TCP1: variants seen among roughly 807,000 people sequenced by gnomAD.
The protein encoded by TCP1 is t-complex 1, also known as T-complex protein 1 subunit alpha.
In TCP1, 6 loss-of-function variants were observed where a neutral mutation model predicts 54.7. That is an observed-to-expected ratio of 0.11 (90% CI 0.06 to 0.22). The LOEUF (loss-of-function observed/expected upper bound fraction) is 0.22, where lower values mean the gene tolerates loss of function less well. Ranked by LOEUF, TCP1 falls within the 10% of genes least tolerant of loss-of-function variation. The probability of loss-of-function intolerance (pLI) is 1.00; values close to 1 mark genes in which losing one functional copy is unlikely to be tolerated. For missense variants in TCP1, 511 were observed against 678.2 expected (o/e 0.75, Z 2.74); for synonymous variants, 225 against 229.7 (o/e 0.98, Z 0.19).
Position 159,779,765 on chromosome 6 carries a change from G to T in TCP1, c.1316C>A (p.Ala439Glu). 1 of 1,604,922 alleles carries T rather than the reference G, an allele frequency of 6.2e-7. No homozygotes were observed. The highest frequency in any genetic ancestry group is 8.5e-7 in the Non-Finnish European group (1 of 1,177,672). Residue 439 changes from alanine (A) to glutamate (E), a missense_variant, in exon 11 of 12, where the codon GCA becomes GAA. Ala to Glu is a moderately radical substitution (Grantham distance 107). Coordinates refer to ENST00000321394, the MANE Select transcript of TCP1 (RefSeq NM_030752.3). ...AACAAGAAGTGATCTTGCAAACTCT[G>T]CAATCGCAAGCTGTTCCCGAGACCC... is the stretch of plus-strand genomic sequence containing the variant. ...SMGSREQLAI[A>E]EFARSLLVIP...
At position 159,788,443 on chromosome 6, in the gene TCP1, G is replaced by A. The variant is rs142545951; in HGVS notation, c.65-300C>T. On this transcript the variant is annotated intron_variant, in intron 1 of 11. Coordinates refer to ENST00000321394, the MANE Select transcript of TCP1 (RefSeq NM_030752.3). Reference sequence around the variant, plus strand: ...TTCTACAAAAAATAAAAACAAAGCCGGATGCGGCGGCGCGGACCTGTGCTT... The same window carrying A: ...TTCTACAAAAAATAAAAACAAAGCCAGATGCGGCGGCGCGGACCTGTGCTT... 1.0e-4 allele frequency: 33 copies of A among 315,708 alleles called. No individual in the cohort carries two copies. The East Asian group carries it at 2.4e-3, about 23-fold the overall frequency. 19.6% of individuals were successfully genotyped at this position (315,708 alleles called of 1,614,324 possible).
chr6:159,783,913 A>T, intron 7 of TCP1, 28 bp downstream of exon 7: 1 of 1,562,018 alleles, frequency 6.4e-7, no homozygotes, highest in Non-Finnish European at 8.6e-7. Context: ...CTCACACTTA[A>T]AAGGCCAAAA....
At chr6:159,783,684 TCAATA>T (rs1414633268) in intron 7 of TCP1, among the ~76,000 whole-genome samples, 6 of 152,190 alleles carry the variant, frequency 3.9e-5, no homozygotes, top group African/African-American at 1.4e-4. Flanking sequence ...TAGGTTACAG[TCAATA>T]CTATACTGCT....
chr6:159,782,252 T>C (rs1780594439), intron 7 of TCP1, among the ~76,000 whole-genome samples: 2 of 152,168 alleles, frequency 1.3e-5, no homozygotes. Context: ...AATAGATCAT[T>C]CGAAGAATTT....
intron 8 of TCP1, 105 bp downstream of exon 8, chr6:159,780,830 T>C: frequency 1.5e-6 from 2 of 1,373,044 alleles, no homozygotes; most frequent in Non-Finnish European, 2.0e-6. Flanking sequence ...TAAGAGAATA[T>C]AAATGTTTTT....
chr6:159,785,682 C>G, intron 4 of TCP1, 186 bp from the exon 5 acceptor site: 1 of 791,952 alleles, frequency 1.3e-6, no homozygotes, highest in Middle Eastern at 2.2e-4. Flanking sequence ...ATCCCATAAG[C>G]ATAGCCACTA....
Position 159,785,515 on chromosome 6 carries a change from G to A in TCP1, c.378-19C>T. ...TGCTTCCCTGTTTAAAAGTGTGGGG[G>A]AGAAAAACGCTTATAAAGTCACTAC... On this transcript the variant is annotated intron_variant, in intron 4 of 11. Transcript: ENST00000321394. 6.4e-7 allele frequency: 1 copy of A among 1,574,082 alleles called. No individual in the cohort carries two copies. Among genetic ancestry groups the A allele is most frequent in the Non-Finnish European group, 8.7e-7 (1 of 1,144,948 alleles).
chr6:159,784,798 T>C lies in TCP1; in HGVS notation c.538A>G (p.Lys180Glu). ...GGCTGGCCTCTTATGTCTGTGTATT[T>C]AATAGCAAGTACAGCATCTACTACC... ...NMVVDAVLAI[K>E]YTDIRGQPRY... The change falls in exon 6 of 12, where the codon AAA (lysine) becomes GAA (glutamate). Residue 180 changes from lysine to glutamate, a missense_variant. By Grantham distance (56) the Lys-to-Glu change is moderately conservative. Around this residue, in one of 5 missense-constraint regions of TCP1, gnomAD observed 305 missense variants for 352.8 expected, o/e 0.86. Transcript: ENST00000321394. The C allele has an allele frequency of 6.2e-7, 1 of 1,614,178 alleles. No individual in the cohort carries two copies.
At chr6:159,781,872 C>G (rs1198369946) in intron 7 of TCP1, among the ~76,000 whole-genome samples, 1 of 152,164 alleles carries the variant, frequency 6.6e-6, no homozygotes, top group Non-Finnish European at 1.5e-5. Context: ...ACCAAACAAT[C>G]TAGATACTAA....
At chr6:159,786,190 A>C (rs1780693313) in intron 3 of TCP1, among the ~76,000 whole-genome samples, 193 bp from the exon 4 acceptor site, 1 of 152,242 alleles carries the variant, frequency 6.6e-6, no homozygotes, top group Non-Finnish European at 1.5e-5. Flanking sequence ...CGTTACTCAT[A>C]AATTCTTGGA....
chr6:159,785,768 T>A (rs749427143), intron 4 of TCP1, 132 bp downstream of exon 4: 44 of 843,994 alleles, frequency 5.2e-5, no homozygotes, highest in Non-Finnish European at 8.1e-5. Flanking sequence ...CTTCAAATAT[T>A]ACTACTTAAA....
chr6:159,781,190 G>T, intron 7 of TCP1, 80 bp from the exon 8 acceptor site: 1 of 1,165,672 alleles, frequency 8.6e-7, no homozygotes, highest in Admixed American at 2.6e-5. Context: ...TTTATCACAA[G>T]ATAATCATAG....
At position 159,778,792 on chromosome 6, in the gene TCP1, G is replaced by C; in HGVS notation, c.*253C>G. 1.2e-6 allele frequency: 2 copies of C among 1,614,230 alleles called. No homozygotes were observed. Among genetic ancestry groups the C allele is most frequent in the Non-Finnish European group, 1.7e-6 (2 of 1,180,036 alleles). Reference sequence around the variant, plus strand: ...GGTGTTGCAGCCCTGTGCATTGGGGGTGGGATGGGAATAGCAATGTGTGTT... The same window carrying C: ...GGTGTTGCAGCCCTGTGCATTGGGGCTGGGATGGGAATAGCAATGTGTGTT... On this transcript the variant is annotated 3_prime_UTR_variant, in exon 12 of 12. Coordinates refer to ENST00000321394, the MANE Select transcript of TCP1 (RefSeq NM_030752.3).
rs200792657 is a variant in TCP1, at chr6:159,780,072, C to T, written c.1113G>A (p.Thr371=). 111 of 1,614,048 alleles carry T rather than the reference C, an allele frequency of 6.9e-5. No homozygotes were observed. The highest frequency in any genetic ancestry group is 6.8e-4 in the South Asian group (62 of 91,082). ...LILIKNTKAR[T]SASIILRGAN... ...CCCCACGTAAGATAATCGATGCAGA[C>T]GTACGAGCCTTAGTACTGTTCAAAA... Residue 371 remains threonine, a synonymous_variant, in exon 10 of 12, where the codon ACG becomes ACA. Transcript: ENST00000321394.
rs767416258 is a variant in TCP1, at chr6:159,778,716, C to T, written c.*329G>A. On this transcript the variant is annotated 3_prime_UTR_variant, in exon 12 of 12. Coordinates refer to ENST00000321394, the MANE Select transcript of TCP1 (RefSeq NM_030752.3). Reference sequence around the variant, plus strand: ...CCACCCTCTTGGAGCATCTGGCTGTCGAATTCTTGTGACCCTGTTACACAC... The same window carrying T: ...CCACCCTCTTGGAGCATCTGGCTGTTGAATTCTTGTGACCCTGTTACACAC... 6.2e-6 allele frequency: 10 copies of T among 1,614,050 alleles called. No individual in the cohort carries two copies. The highest frequency in any genetic ancestry group is 4.5e-5 in the East Asian group (2 of 44,890).
In TCP1 at chr6:159,780,505, C is replaced by T. The variant is rs555804524; in HGVS notation, c.1035G>A (p.Leu345=). 1 of 1,614,070 alleles carries T rather than the reference C, an allele frequency of 6.2e-7. No homozygotes were observed. The highest frequency in any genetic ancestry group is 1.3e-5 in the African/African-American group (1 of 75,038). ...EGEETFEAAM[L]GQAEEVVQER... ...CCTGTACCACTTCTTCTGCCTGTCCCAACATTGCAGCTTCAAAAGTTTCTT... is the reference window on the plus strand; with the variant it reads ...CCTGTACCACTTCTTCTGCCTGTCCTAACATTGCAGCTTCAAAAGTTTCTT... Residue 345 remains leucine, a synonymous_variant, in exon 9 of 12, where the codon TTG becomes TTA. Transcript: ENST00000321394.
rs746499824 is a variant in TCP1 at position 159,785,744 on chromosome 6, G to A, written c.377+156C>T. The A allele has an allele frequency of 5.0e-6, 4 of 798,568 alleles. No homozygotes were observed. In the East Asian group the frequency reaches 9.7e-5, roughly 19 times the overall value. The allele number at this position is 798,568 out of a possible 1,614,324, so 49.5% of individuals were successfully genotyped here. ...TAGTCAAATGAGAAAAAAGATACTG[G>A]TCCAAGTTTTTAACTTCAAATATTA... is the stretch of plus-strand genomic sequence containing the variant. On this transcript the variant is annotated intron_variant, in intron 4 of 11. Transcript: ENST00000321394.
chr6:159,787,638 ATG>A, intron 3 of TCP1, 103 bp downstream of exon 3: 1 of 1,379,546 alleles, frequency 7.2e-7, no homozygotes, highest in Non-Finnish European at 9.9e-7. Flanking sequence ...CATTCAGAAT[ATG>A]TAACTTATTT....
At position 159,780,986 on chromosome 6, in the gene TCP1, C is replaced by T; in HGVS notation, c.922G>A (p.Val308Ile). The change falls in exon 8 of 12, where the codon GTT becomes ATT. Residue 308 changes from valine (V) to isoleucine (I), a missense_variant. Transcript: ENST00000321394. ...KYFVEAGAMA[V>I]RRVLKRDLKR... is the part of the protein sequence containing the mutation. ...AGGTCCCTTTTTAAAACTCTTCTAA[C>T]TGCCATAGCACCAGCCTCCACAAAA... 6.2e-7 allele frequency: 1 copy of T among 1,612,866 alleles called. No homozygotes were observed. Among genetic ancestry groups the T allele is most frequent in the Non-Finnish European group, 8.5e-7 (1 of 1,179,638 alleles).
Sources: allele counts gnomAD v4.1 joint callset (sites outside exome capture counted in the v4.1 genomes callset), GRCh38; gene constraint gnomAD v4.1.1; regional missense constraint gnomAD v4.1.1; transcripts MANE v1.5; gene names NCBI Gene and HGNC (gene_info 2026-07-23, HGNC 2026-07-21).